The following RBFOX3 variants were observed in gnomAD, a reference collection of about 807,000 sequenced individuals.
The protein encoded by RBFOX3 is RNA binding protein fox-1 homolog 3.
RBFOX3 carries 17 observed loss-of-function variants against 48.7 expected under a neutral mutation model. The ratio of observed to expected loss-of-function variants is 0.35; its 90% CI spans 0.24 to 0.52. The LOEUF (loss-of-function observed/expected upper bound fraction) is 0.52. Among genes scored for constraint, RBFOX3 ranks in the 20% least tolerant of loss-of-function variants. The pLI, the probability that RBFOX3 is intolerant of heterozygous loss-of-function variation, is 0.94. For synonymous variants in RBFOX3, 212 were observed against 209.5 expected (o/e 1.01, Z -0.10); for missense variants, 382 against 497.5 (o/e 0.77, Z 2.21).
At chr17:79,587,171 T>C (rs1040590037) in intron 1 of RBFOX3, among the ~76,000 whole-genome samples, 137 of 152,122 alleles carry the variant, frequency 9.0e-4, no homozygotes, top group African/African-American at 3.2e-3. Flanking sequence ...GTGCCTCCAC[T>C]CTCCAAGACC....
chr17:79,285,086 G>T (rs1315198344), intron 3 of RBFOX3, among the ~76,000 whole-genome samples: 1 of 152,212 alleles, frequency 6.6e-6, no homozygotes, highest in East Asian at 1.9e-4. Context: ...TGGGAGTGGT[G>T]CTACCTGCCT....
At chr17:79,600,445 G>T (rs1348751347) in intron 1 of RBFOX3, 1 of 152,214 alleles carries the variant, frequency 6.6e-6, no homozygotes, top group Non-Finnish European at 1.5e-5. Flanking sequence ...CTTGCAGGTG[G>T]GGGTCCACTA....
At chr17:79,257,456 G>C (rs892739881) in intron 3 of RBFOX3, among the ~76,000 whole-genome samples, 12 of 152,252 alleles carry the variant, frequency 7.9e-5, no homozygotes, top group African/African-American at 2.9e-4. Flanking sequence ...TGAGAGCACA[G>C]CCTGTGCTGA....
intron 3 of RBFOX3, among the ~76,000 whole-genome samples, chr17:79,278,841 C>T (rs551333201): frequency 6.6e-6 from 1 of 152,316 alleles, no homozygotes; most frequent in South Asian, 2.1e-4. Flanking sequence ...CTGGCCCAGC[C>T]CCTCCAGTGA....
At chr17:79,428,143 G>A (rs531143597) in intron 2 of RBFOX3, among the ~76,000 whole-genome samples, 1 of 152,372 alleles carries the variant, frequency 6.6e-6, no homozygotes, top group South Asian at 2.1e-4. Flanking sequence ...CGCTGTCCTC[G>A]TTCCCTCTCT....
the RBFOX3 span, among the ~76,000 whole-genome samples, chr17:79,619,649 G>C: frequency 5.9e-5 from 9 of 152,140 alleles, no homozygotes; most frequent in Non-Finnish European, 1.3e-4. Flanking sequence ...ACAGGGGATG[G>C]GGGGCAGCTC....
chr17:79,374,143 G>C (rs986613361), intron 2 of RBFOX3, among the ~76,000 whole-genome samples: 7 of 152,214 alleles, frequency 4.6e-5, no homozygotes, highest in African/African-American at 1.4e-4. Context: ...GATTACAGGC[G>C]TGAGCCACCT....
At chr17:79,309,131 GT>G (rs2076491568) in intron 2 of RBFOX3, among the ~76,000 whole-genome samples, 1 of 150,640 alleles carries the variant, frequency 6.6e-6, no homozygotes, top group Non-Finnish European at 1.5e-5. Context: ...CTAAATGTTT[GT>G]TGTTTAAGCC....
In RBFOX3 at chr17:79,252,312, C is replaced by T. The variant is rs1239058937; in HGVS notation, c.-73-16507G>A. 1.3e-5 allele frequency among the ~76,000 whole-genome samples: 2 copies of T among 152,240 alleles called. No homozygotes were observed. Among genetic ancestry groups the T allele is most frequent in the African/African-American group, 4.8e-5 (2 of 41,474 alleles). Reference sequence around the variant, plus strand: ...ACCTTTTGCTTCCCTTGATGTCTCCCAGACTGCTCTGTCCCACATGGCTGA... The same window carrying T: ...ACCTTTTGCTTCCCTTGATGTCTCCTAGACTGCTCTGTCCCACATGGCTGA... On this transcript the variant is annotated intron_variant, in intron 3 of 14. Coordinates refer to ENST00000693108, the MANE Select transcript of RBFOX3 (RefSeq NM_001350451.2). This position sits in a 1 kb window ranked among gnomAD's most constrained non-coding sequence, Gnocchi z 4.0.
At chr17:79,495,628 T>G (rs1598936477) in intron 1 of RBFOX3, among the ~76,000 whole-genome samples, 4 of 24,620 alleles carry the variant, frequency 1.6e-4, no homozygotes, top group Admixed American at 1.1e-3. Context: ...GGGGAAAGGG[T>G]ACTGGGGCAG....
At chr17:79,381,381 G>A (rs1015010416) in intron 2 of RBFOX3, among the ~76,000 whole-genome samples, 3 of 152,226 alleles carry the variant, frequency 2.0e-5, no homozygotes, top group African/African-American at 7.2e-5. Flanking sequence ...TGCATGAGAT[G>A]GTGTACATGT....
intron 2 of RBFOX3, among the ~76,000 whole-genome samples, chr17:79,435,731 T>C (rs1266493174): frequency 3.3e-5 from 5 of 152,190 alleles, no homozygotes; most frequent in Non-Finnish European, 7.4e-5. Flanking sequence ...TGGTTTGCAT[T>C]TGTTAGTTCA....
At chr17:79,132,346 C>T (rs549538729) in intron 4 of RBFOX3, among the ~76,000 whole-genome samples, 1 of 152,174 alleles carries the variant, frequency 6.6e-6, no homozygotes, top group Non-Finnish European at 1.5e-5. Context: ...CTGAGCGACG[C>T]GGGCCAATCA....
At chr17:79,348,565 CTTT>C (rs2083295088) in intron 2 of RBFOX3, among the ~76,000 whole-genome samples, 1 of 94,568 alleles carries the variant, frequency 1.1e-5, no homozygotes, top group Admixed American at 1.2e-4. Flanking sequence ...AATTTCTTTT[CTTT>C]TCCTTTTTTT....
intron 1 of RBFOX3, among the ~76,000 whole-genome samples, chr17:79,549,287 T>C (rs114238063): frequency 0.025 from 3,814 of 152,308 alleles, 126 homozygotes; most frequent in African/African-American, 0.074. Context: ...GGTAGGAGCC[T>C]ACAGCAGAGA....
At position 79,111,303 on chromosome 17, in the gene RBFOX3, G is replaced by A. The variant is rs1049336644; in HGVS notation, c.222+4191C>T. Among the ~76,000 whole-genome samples the A allele has an allele frequency of 6.6e-6, 1 of 152,148 alleles. No individual in the cohort carries two copies. The highest frequency in any genetic ancestry group is 1.5e-5 in the Non-Finnish European group (1 of 68,022). On this transcript the variant is annotated intron_variant, in intron 5 of 14. Coordinates refer to ENST00000693108, the MANE Select transcript of RBFOX3 (RefSeq NM_001350451.2). The surrounding 1 kb of genome is among the most constrained non-coding windows in gnomAD (Gnocchi z 4.2). ...CAGACATCAGGCCCTTGCGGCCCACGTGGGGTCCCTTCTGGCAGGTGGAGG... is the reference window on the plus strand; with the variant it reads ...CAGACATCAGGCCCTTGCGGCCCACATGGGGTCCCTTCTGGCAGGTGGAGG...
intron 4 of RBFOX3, among the ~76,000 whole-genome samples, chr17:79,150,452 G>T (rs1023437337): frequency 1.3e-5 from 2 of 152,126 alleles, no homozygotes; most frequent in African/African-American, 4.8e-5. Context: ...AGCCCAGGAG[G>T]TTCCTTCAGT....
chr17:79,258,567 C>T (rs2065240346), intron 3 of RBFOX3, among the ~76,000 whole-genome samples: 1 of 152,196 alleles, frequency 6.6e-6, no homozygotes, highest in African/African-American at 2.4e-5. Flanking sequence ...CCACTAACGA[C>T]ACTCAGGGGT....
intron 2 of RBFOX3, among the ~76,000 whole-genome samples, chr17:79,384,757 G>A (rs996229482): frequency 1.9e-4 from 29 of 152,346 alleles, no homozygotes; most frequent in Non-Finnish European, 3.5e-4. Context: ...ACCTGCCGTG[G>A]AGGAGGAGCT....
Sources: gnomAD v4.1 joint callset for allele counts (sites outside exome capture counted in the v4.1 genomes callset) on GRCh38, gnomAD v4.1.1 for gene constraint, Gnocchi (gnomAD v3.1) non-coding constraint, MANE v1.5 for transcripts, NCBI Gene and HGNC (gene_info 2026-07-23, HGNC 2026-07-21) for gene names.